Variants in PAX5 observed in about 807,000 individuals in gnomAD.
PAX5 encodes the protein paired box 5.
PAX5 carries 9 observed loss-of-function variants against 43.7 expected under a neutral mutation model. The ratio of observed to expected loss-of-function variants is 0.21; its 90% CI spans 0.12 to 0.36. The LOEUF (loss-of-function observed/expected upper bound fraction) is 0.36, where lower values mean the gene tolerates loss of function less well. Ranked by LOEUF, PAX5 falls within the 10% of genes least tolerant of loss-of-function variation. The probability of loss-of-function intolerance (pLI) is 1.00; values close to 1 mark genes in which losing one functional copy is unlikely to be tolerated. For synonymous variants in PAX5, 228 were observed against 214.3 expected (o/e 1.06, Z -0.56); for missense variants, 383 against 532.7 (o/e 0.72, Z 2.77).
rs971004332 is a variant in PAX5 at position 36,839,517 on chromosome 9, C to T, written c.*1043G>A. On this transcript the variant is annotated 3_prime_UTR_variant, in exon 10 of 10. Transcript: ENST00000358127. ...CTGTGTTAATTATTGTCTACATCAC[C>T]GGAACAGGCTTGCCCAGAATCCACT... The T allele has an allele frequency of 5.1e-5, 12 of 233,368 alleles. No homozygotes were observed. In the Middle Eastern group the frequency reaches 3.8e-3, roughly 74 times the overall value. The allele number at this position is 233,368 out of a possible 1,614,324, so 14.5% of individuals were successfully genotyped here. A position where few individuals can be genotyped will look rare whatever the true frequency, so the allele number is the denominator to read the frequency against.
At chr9:36,996,131 G>A (rs143815314) in intron 5 of PAX5, among the ~76,000 whole-genome samples, 51 of 152,346 alleles carry the variant, frequency 3.3e-4, no homozygotes, top group African/African-American at 1.0e-3. Context: ...GGTGGTGGGC[G>A]AACCAGCCAG....
At chr9:36,923,709 G>A (rs1359485351) in intron 6 of PAX5, among the ~76,000 whole-genome samples, 1 of 152,182 alleles carries the variant, frequency 6.6e-6, no homozygotes, top group African/African-American at 2.4e-5. Context: ...GAGGTGGGCA[G>A]GACTCAGTGC....
chr9:36,899,502 C>T (rs757916017), intron 7 of PAX5, among the ~76,000 whole-genome samples: 10 of 152,190 alleles, frequency 6.6e-5, no homozygotes, highest in Non-Finnish European at 1.0e-4. Flanking sequence ...GCCCAGCCTG[C>T]GCTCAGTGCT....
At chr9:36,870,828 A>G (rs1004010873) in intron 8 of PAX5, among the ~76,000 whole-genome samples, 1 of 152,380 alleles carries the variant, frequency 6.6e-6, no homozygotes, top group South Asian at 2.1e-4. Context: ...GATAAAAAGT[A>G]AAAGAAAAGG....
rs117897303 is a variant in PAX5, at chr9:37,018,784, C to G, written c.212+1852G>C. 7.0e-4 allele frequency among the ~76,000 whole-genome samples: 106 copies of G among 152,282 alleles called. 1 individual carries two copies. In the East Asian group the frequency reaches 0.016, roughly 24 times the overall value. ...CAGGCACCGGAGCGGCGCGTAACTT[C>G]CGAGTGCCACTCTACCTAGTGACAA... is the stretch of plus-strand genomic sequence containing the variant. On this transcript the variant is annotated intron_variant, in intron 2 of 9. Transcript: ENST00000358127.
chr9:36,855,077 C>T (rs1563894966), intron 8 of PAX5, among the ~76,000 whole-genome samples: 2 of 152,196 alleles, frequency 1.3e-5, no homozygotes, highest in Non-Finnish European at 2.9e-5. Flanking sequence ...ACTACAAAAA[C>T]CCAAATCCAA....
chr9:36,930,876 C>T, intron 6 of PAX5: 1 of 1,308,652 alleles, frequency 7.6e-7, no homozygotes, highest in African/African-American at 1.5e-5. Flanking sequence ...ATTTGGGTCC[C>T]TAGGAAATTA....
At chr9:36,951,937 C>G (rs1833042632) in intron 6 of PAX5, among the ~76,000 whole-genome samples, 1 of 152,182 alleles carries the variant, frequency 6.6e-6, no homozygotes, top group South Asian at 2.1e-4. Context: ...ATATATCTAT[C>G]TTCCTCCTAT....
intron 7 of PAX5, among the ~76,000 whole-genome samples, chr9:36,914,086 T>C (rs954087417): frequency 6.6e-6 from 1 of 152,202 alleles, no homozygotes; most frequent in African/African-American, 2.4e-5. Context: ...GGCTTCTCCC[T>C]GCCTGAGGGG....
At chr9:36,979,262 G>A (rs926007660) in intron 5 of PAX5, among the ~76,000 whole-genome samples, 1 of 152,196 alleles carries the variant, frequency 6.6e-6, no homozygotes, top group Non-Finnish European at 1.5e-5. Context: ...TATGTCTGTG[G>A]TGTGTTTTTC....
chr9:36,901,813 G>A lies in PAX5; in HGVS notation c.911-19708C>T, dbSNP rs118156284. Among the ~76,000 whole-genome samples, 1,202 of 152,272 alleles carry A rather than the reference G, an allele frequency of 7.9e-3. 8 individuals carry two copies. Among genetic ancestry groups the A allele is most frequent in the Non-Finnish European group, 0.013 (866 of 68,020 alleles). ...CAGCTTCCTCTTCTGTAAAACGAGG[G>A]TCAAGTCTTTCCCTGCTGCCCTCCC... On this transcript the variant is annotated intron_variant, in intron 7 of 9. Transcript: ENST00000358127.
intron 6 of PAX5, among the ~76,000 whole-genome samples, chr9:36,941,660 C>G (rs1832059741): frequency 6.6e-6 from 1 of 152,136 alleles, no homozygotes; most frequent in African/African-American, 2.4e-5. Context: ...TGCCTGGGCT[C>G]CCCCCTTGGC....
chr9:36,841,197 T>C (rs1358058729), intron 9 of PAX5, among the ~76,000 whole-genome samples: 1 of 152,254 alleles, frequency 6.6e-6, no homozygotes, highest in African/African-American at 2.4e-5. Flanking sequence ...TCATATATCA[T>C]GCTTAAGCTG....
chr9:37,011,339 A>G (rs1838915014), intron 3 of PAX5, among the ~76,000 whole-genome samples: 1 of 152,190 alleles, frequency 6.6e-6, no homozygotes, highest in Non-Finnish European at 1.5e-5. Context: ...TAAATATCTG[A>G]ATTCTAGCTT....
At chr9:36,961,505 A>G (rs1197017349) in intron 6 of PAX5, among the ~76,000 whole-genome samples, 2 of 152,240 alleles carry the variant, frequency 1.3e-5, no homozygotes, top group Non-Finnish European at 2.9e-5. Context: ...TAGGGTTTCT[A>G]TTACAGCCAG....
At chr9:36,910,714 C>T (rs1018238990) in intron 7 of PAX5, among the ~76,000 whole-genome samples, 3 of 152,098 alleles carry the variant, frequency 2.0e-5, no homozygotes, top group Non-Finnish European at 4.4e-5. Flanking sequence ...GGGTAAATAC[C>T]GCTGGAAGAG....
chr9:37,003,354 G>A (rs545042418), intron 4 of PAX5, among the ~76,000 whole-genome samples: 14 of 151,922 alleles, frequency 9.2e-5, no homozygotes, highest in South Asian at 6.2e-4. Context: ...AGTTTCCCCC[G>A]ATTTGATTTT....
chr9:37,012,957 T>A (rs748075013), intron 3 of PAX5, among the ~76,000 whole-genome samples: 2 of 152,072 alleles, frequency 1.3e-5, no homozygotes, highest in African/African-American at 2.4e-5. Context: ...GTTAAAAAAA[T>A]ATATAGATTA....
intron 8 of PAX5, among the ~76,000 whole-genome samples, chr9:36,869,845 T>TG (rs1825257066): frequency 8.2e-6 from 1 of 122,182 alleles, no homozygotes; most frequent in Non-Finnish European, 1.8e-5. Flanking sequence ...GATGGATGGA[T>TG]AAATGGATGG....
Sources: allele counts gnomAD v4.1 joint callset (sites outside exome capture counted in the v4.1 genomes callset), GRCh38; gene constraint gnomAD v4.1.1; transcripts MANE v1.5; gene names NCBI Gene and HGNC (gene_info 2026-07-23, HGNC 2026-07-21).